Variants in DLG2 observed in about 807,000 individuals in gnomAD.
The protein encoded by DLG2 is discs large MAGUK scaffold protein 2.
Under a neutral mutation model 132.5 loss-of-function variants are expected in DLG2, and 45 were observed. That is an observed-to-expected ratio of 0.34 (90% CI 0.27 to 0.44). DLG2 has a LOEUF of 0.44. DLG2 is among the 20% of genes least tolerant of loss of function. The pLI, the probability that DLG2 is intolerant of heterozygous loss-of-function variation, is 1.00. For missense variants in DLG2, 1,045 were observed against 1,196.9 expected, an observed-to-expected ratio of 0.87 and a Z score of 1.87; for synonymous variants, 424 against 419.6, an observed-to-expected ratio of 1.01 and a Z score of -0.13.
intron 7 of DLG2, among the ~76,000 whole-genome samples, chr11:84,302,990 G>C (rs965889139): frequency 1.3e-5 from 2 of 151,982 alleles, no homozygotes; most frequent in Non-Finnish European, 2.9e-5. Context: ...CCATGGTGGC[G>C]TGTGCCTGTA....
At chr11:84,170,798 T>C (rs2095802498) in intron 8 of DLG2, among the ~76,000 whole-genome samples, 1 of 152,180 alleles carries the variant, frequency 6.6e-6, no homozygotes, top group African/African-American at 2.4e-5. Context: ...CTCATGCAGA[T>C]AGATAACCTC....
chr11:84,386,517 T>C (rs1171712825), intron 7 of DLG2, among the ~76,000 whole-genome samples: 1 of 152,138 alleles, frequency 6.6e-6, no homozygotes, highest in Non-Finnish European at 1.5e-5. Flanking sequence ...AAATATTTAC[T>C]TCTATAATTT....
At chr11:83,767,314 T>C (rs7942455) in intron 18 of DLG2, among the ~76,000 whole-genome samples, 3,100 of 152,284 alleles carry the variant, frequency 0.02, 114 homozygotes, top group African/African-American at 0.07. Context: ...ATGTGTGTCA[T>C]GGTAGTAATA....
intron 6 of DLG2, among the ~76,000 whole-genome samples, chr11:84,962,593 C>G (rs908871347): frequency 1.1e-4 from 16 of 152,192 alleles, no homozygotes; most frequent in South Asian, 2.1e-4. Context: ...GCCAGGCATG[C>G]ATTTCAATAA....
chr11:85,333,400 A>G (rs889321177), intron 3 of DLG2, among the ~76,000 whole-genome samples: 1 of 151,848 alleles, frequency 6.6e-6, no homozygotes, highest in Non-Finnish European at 1.5e-5. Context: ...AGATAGTTCA[A>G]CTTCCTATCT....
intron 3 of DLG2, among the ~76,000 whole-genome samples, chr11:85,590,662 T>C (rs2079262637): frequency 6.6e-6 from 1 of 151,656 alleles, no homozygotes; most frequent in Non-Finnish European, 1.5e-5. Context: ...TATATATATA[T>C]ATATAAATTC....
At chr11:84,185,783 G>T (rs11821524) in intron 8 of DLG2, among the ~76,000 whole-genome samples, 2,950 of 152,180 alleles carry the variant, frequency 0.019, 67 homozygotes, top group African/African-American at 0.065. Context: ...TAGCATGAAG[G>T]GTTGTTGAAT....
intron 6 of DLG2, among the ~76,000 whole-genome samples, chr11:84,838,440 T>C (rs140046470): frequency 6.7e-5 from 10 of 150,336 alleles, no homozygotes; most frequent in Non-Finnish European, 1.0e-4. Context: ...ATCTATCAAA[T>C]AGACAAAAAT....
At chr11:84,316,991 G>A (rs778118559) in intron 7 of DLG2, 18 of 1,612,762 alleles carry the variant, frequency 1.1e-5, no homozygotes, top group Middle Eastern at 1.7e-4. Context: ...TCCTGAGGAG[G>A]GCATGGTCTG....
chr11:85,064,430 T>C (rs2064578237), intron 6 of DLG2, among the ~76,000 whole-genome samples: 1 of 151,758 alleles, frequency 6.6e-6, no homozygotes, highest in Non-Finnish European at 1.5e-5. Context: ...GCAGCAGTAA[T>C]TGTTCAAGCT....
chr11:85,162,162 C>T (rs748115349), intron 4 of DLG2, among the ~76,000 whole-genome samples: 1 of 152,070 alleles, frequency 6.6e-6, no homozygotes. Context: ...GTGACTGACC[C>T]GGACTATCAA....
intron 7 of DLG2, among the ~76,000 whole-genome samples, chr11:84,381,966 C>T (rs754000708): frequency 5.3e-5 from 8 of 152,164 alleles, no homozygotes; most frequent in Non-Finnish European, 1.2e-4. Flanking sequence ...TCTGGATTTA[C>T]AGTCATATCA....
intron 9 of DLG2, among the ~76,000 whole-genome samples, chr11:84,154,396 A>G (rs2095378947): frequency 6.6e-6 from 1 of 152,214 alleles, no homozygotes; most frequent in East Asian, 1.9e-4. Flanking sequence ...CTTTAGCCTC[A>G]TCTTCAACCC....
intron 6 of DLG2, among the ~76,000 whole-genome samples, chr11:84,573,626 T>C (rs1277309541): frequency 2.0e-5 from 3 of 152,208 alleles, no homozygotes; most frequent in South Asian, 2.1e-4. Context: ...ACCATTCAGG[T>C]AAAGAACTAA....
chr11:85,323,258 T>C (rs1353871577), intron 3 of DLG2, among the ~76,000 whole-genome samples: 1 of 152,216 alleles, frequency 6.6e-6, no homozygotes, highest in Non-Finnish European at 1.5e-5. Context: ...AGCTGAAATA[T>C]CAACTCCAAA....
At chr11:84,906,482 C>T (rs1034403434) in intron 6 of DLG2, among the ~76,000 whole-genome samples, 2 of 150,908 alleles carry the variant, frequency 1.3e-5, no homozygotes, top group East Asian at 3.9e-4. Context: ...GATATATTAT[C>T]AAATAAAAAC....
chr11:84,746,834 A>G (rs775748936), intron 6 of DLG2, among the ~76,000 whole-genome samples: 3 of 152,088 alleles, frequency 2.0e-5, no homozygotes, highest in Admixed American at 6.6e-5. Flanking sequence ...CTTCCTCTGC[A>G]TGGGGATGGT....
intron 6 of DLG2, among the ~76,000 whole-genome samples, chr11:84,749,106 C>A (rs2065771942): frequency 6.6e-6 from 1 of 152,128 alleles, no homozygotes; most frequent in African/African-American, 2.4e-5. Flanking sequence ...ACCCACCCTC[C>A]CTTATATGTT....
At chr11:85,502,482 G>C (rs1040378310) in intron 3 of DLG2, among the ~76,000 whole-genome samples, 2 of 151,896 alleles carry the variant, frequency 1.3e-5, no homozygotes, top group Non-Finnish European at 2.9e-5. Context: ...TAAAAAGAAT[G>C]AGTTCATGTC....
Sources: allele counts gnomAD v4.1 joint callset (sites outside exome capture counted in the v4.1 genomes callset), GRCh38; gene constraint gnomAD v4.1.1; transcripts MANE v1.5; gene names NCBI Gene and HGNC (gene_info 2026-07-23, HGNC 2026-07-21).